CNTN5: variants seen among roughly 807,000 people sequenced by gnomAD.
The protein encoded by CNTN5 is contactin-5.
In CNTN5, 77 loss-of-function variants were observed where a neutral mutation model predicts 129.1. The observed-to-expected ratio is 0.60, with a 90% CI of 0.50 to 0.72. The LOEUF (loss-of-function observed/expected upper bound fraction) is 0.72, where lower values mean the gene tolerates loss of function less well. Ranked by LOEUF, CNTN5 falls within the 30% of genes least tolerant of loss-of-function variation. The probability of loss-of-function intolerance (pLI) is 0.00; values close to 1 mark genes in which losing one functional copy is unlikely to be tolerated. For synonymous variants in CNTN5, 509 were observed against 465.6 expected, an observed-to-expected ratio of 1.09 and a Z score of -1.20; for missense variants, 1,478 against 1,328.8, an observed-to-expected ratio of 1.11 and a Z score of -1.75.
chr11:99,085,198 C>T (rs1397075319), intron 1 of CNTN5, among the ~76,000 whole-genome samples: 2 of 151,964 alleles, frequency 1.3e-5, no homozygotes, highest in African/African-American at 4.8e-5. Context: ...GCAGGTACCC[C>T]CACGCCCAGC....
At chr11:99,915,201 G>A (rs951380914) in intron 6 of CNTN5, among the ~76,000 whole-genome samples, 8 of 151,998 alleles carry the variant, frequency 5.3e-5, no homozygotes, top group Admixed American at 1.3e-4. Context: ...TAGTCTAAAA[G>A]TTGTCTTATT....
At chr11:99,144,168 A>T (rs1169406102) in intron 1 of CNTN5, among the ~76,000 whole-genome samples, 1 of 152,168 alleles carries the variant, frequency 6.6e-6, no homozygotes, top group Admixed American at 6.5e-5. Context: ...TTTTCATTTC[A>T]GGGACTTTTA....
chr11:99,149,107 A>G (rs1463223323), intron 1 of CNTN5, among the ~76,000 whole-genome samples: 2 of 152,188 alleles, frequency 1.3e-5, no homozygotes, highest in African/African-American at 2.4e-5. Flanking sequence ...TCTATGGTCT[A>G]AATTTCCAAA....
chr11:99,812,791 G>A lies in CNTN5; in HGVS notation c.56-6753G>A, dbSNP rs975904621. On this transcript the variant is annotated intron_variant, in intron 3 of 24. Transcript: ENST00000524871. Reference sequence around the variant, plus strand: ...GATGGAGGAGGAGGATATATGCATCGTAGCCAAGCGTGGAGCTTTTATTCC... The same window carrying A: ...GATGGAGGAGGAGGATATATGCATCATAGCCAAGCGTGGAGCTTTTATTCC... Among the ~76,000 whole-genome samples the A allele has an allele frequency of 6.6e-5, 10 of 152,114 alleles. No homozygotes were observed. In the South Asian group the frequency reaches 1.2e-3, roughly 19 times the overall value.
At chr11:99,172,862 T>G (rs1861209987) in intron 1 of CNTN5, among the ~76,000 whole-genome samples, 2 of 152,222 alleles carry the variant, frequency 1.3e-5, no homozygotes, top group South Asian at 2.1e-4. Flanking sequence ...AGTAACTTAT[T>G]TGAGATTTAA....
intron 13 of CNTN5, among the ~76,000 whole-genome samples, chr11:100,137,498 A>ATGAT (rs567901077): frequency 8.3e-4 from 126 of 152,274 alleles, no homozygotes; most frequent in African/African-American, 2.7e-3. Flanking sequence ...AAATACCTAG[A>ATGAT]TGATAAATGA....
At chr11:100,200,803 G>T (rs1948760388) in intron 15 of CNTN5, among the ~76,000 whole-genome samples, 2 of 151,856 alleles carry the variant, frequency 1.3e-5, no homozygotes, top group East Asian at 1.9e-4. Flanking sequence ...TGCTCTCCTA[G>T]GTTGTAAATT....
intron 2 of CNTN5, among the ~76,000 whole-genome samples, chr11:99,379,787 C>T (rs921640431): frequency 6.6e-6 from 1 of 152,098 alleles, no homozygotes; most frequent in African/African-American, 2.4e-5. Flanking sequence ...GAATCTCTTG[C>T]AAAGCTGCTT....
intron 2 of CNTN5, among the ~76,000 whole-genome samples, chr11:99,432,717 A>T (rs1388299793): frequency 6.6e-6 from 1 of 151,974 alleles, no homozygotes; most frequent in Non-Finnish European, 1.5e-5. Flanking sequence ...TGAGCCAGAA[A>T]ATAGAAGATG....
chr11:99,717,377 A>G (rs566139746), intron 3 of CNTN5, among the ~76,000 whole-genome samples: 1 of 152,080 alleles, frequency 6.6e-6, no homozygotes. Flanking sequence ...AAAGAGTTGT[A>G]CCTGCTTATA....
intron 8 of CNTN5, among the ~76,000 whole-genome samples, chr11:99,963,122 G>C (rs933185574): frequency 2.0e-5 from 3 of 152,318 alleles, no homozygotes; most frequent in African/African-American, 7.2e-5. Context: ...TGTTCAATCT[G>C]ATGGTAGTTT....
chr11:100,012,281 G>A (rs1033941264), intron 9 of CNTN5, among the ~76,000 whole-genome samples: 3 of 152,080 alleles, frequency 2.0e-5, no homozygotes, highest in Admixed American at 1.3e-4. Context: ...GAACCTTAAG[G>A]ATTGCATGAC....
chr11:99,583,796 G>T (rs1163045373), intron 3 of CNTN5, among the ~76,000 whole-genome samples: 2 of 152,126 alleles, frequency 1.3e-5, no homozygotes, highest in Non-Finnish European at 2.9e-5. Context: ...GCCTCACCCT[G>T]CTTTGGCTCA....
At chr11:100,314,565 T>G (rs569583961) in intron 21 of CNTN5, among the ~76,000 whole-genome samples, 1 of 152,262 alleles carries the variant, frequency 6.6e-6, no homozygotes, top group African/African-American at 2.4e-5. Context: ...AACACCTCAA[T>G]GCATTTTCCT....
At chr11:99,851,630 C>A (rs990036554) in intron 6 of CNTN5, among the ~76,000 whole-genome samples, 5 of 152,168 alleles carry the variant, frequency 3.3e-5, no homozygotes, top group Admixed American at 6.5e-5. Flanking sequence ...TTCAAAAATA[C>A]CTTTATATGC....
intron 8 of CNTN5, among the ~76,000 whole-genome samples, chr11:99,992,367 CT>C (rs1357251043): frequency 6.6e-6 from 1 of 152,170 alleles, no homozygotes; most frequent in African/African-American, 2.4e-5. Context: ...TATAATTTGC[CT>C]TAATGTTAGG....
intron 16 of CNTN5, among the ~76,000 whole-genome samples, chr11:100,231,691 G>C (rs17094660): frequency 0.021 from 3,243 of 152,264 alleles, 107 homozygotes; most frequent in African/African-American, 0.074. Flanking sequence ...TAATCAGAAA[G>C]ATGTGGAGAT....
At chr11:99,989,301 G>C (rs1432891955) in intron 8 of CNTN5, among the ~76,000 whole-genome samples, 1 of 152,020 alleles carries the variant, frequency 6.6e-6, no homozygotes, top group East Asian at 1.9e-4. Context: ...TTAGTCAGTA[G>C]AGCCATTCTT....
At chr11:99,338,187 T>C (rs370631987) in intron 2 of CNTN5, among the ~76,000 whole-genome samples, 4 of 152,352 alleles carry the variant, frequency 2.6e-5, no homozygotes, top group African/African-American at 9.6e-5. Flanking sequence ...AAATATCTGC[T>C]ATTTCATTCA....
Sources: allele counts gnomAD v4.1 joint callset (sites outside exome capture counted in the v4.1 genomes callset), GRCh38; gene constraint gnomAD v4.1.1; transcripts MANE v1.5; gene names NCBI Gene and HGNC (gene_info 2026-07-23, HGNC 2026-07-21).